Variants in BTG4 observed in about 807,000 individuals in gnomAD.
BTG4 encodes the protein protein BTG4.
In BTG4, 10 loss-of-function variants were observed where a neutral mutation model predicts 19.3. The ratio of observed to expected loss-of-function variants is 0.52; its 90% CI spans 0.32 to 0.88. The LOEUF (loss-of-function observed/expected upper bound fraction) is 0.88, where lower values mean the gene tolerates loss of function less well. Ranked by LOEUF, BTG4 falls within the 40% of genes least tolerant of loss-of-function variation. The probability of loss-of-function intolerance (pLI) is 0.04; values close to 1 mark genes in which losing one functional copy is unlikely to be tolerated. For missense variants in BTG4, 238 were observed against 281.9 expected (o/e 0.84, Z 1.11); for synonymous variants, 91 against 95.7 (o/e 0.95, Z 0.29).
the BTG4 span, chr11:111,397,152 C>T: frequency 6.6e-6 from 1 of 152,224 alleles, no homozygotes; most frequent in Non-Finnish European, 1.5e-5. Context: ...TGACACCCAT[C>T]TCCTGACTGT....
chr11:111,510,030 G>A (rs1464385944), intron 1 of BTG4, among the ~76,000 whole-genome samples: 1 of 149,218 alleles, frequency 6.7e-6, no homozygotes, highest in Non-Finnish European at 1.5e-5. Flanking sequence ...TCCCACCTCA[G>A]CCTTCCAAGT....
the BTG4 span, among the ~76,000 whole-genome samples, chr11:111,426,091 G>A: frequency 2.6e-5 from 4 of 152,310 alleles, no homozygotes; most frequent in African/African-American, 9.6e-5. Context: ...TTTACAGAAT[G>A]TTGGCATCAT....
At chr11:111,439,253 C>T in the BTG4 span, among the ~76,000 whole-genome samples, 1 of 152,240 alleles carries the variant, frequency 6.6e-6, no homozygotes, top group South Asian at 2.1e-4. Flanking sequence ...GCTGATGATG[C>T]TAAACAAATA....
the BTG4 span, among the ~76,000 whole-genome samples, chr11:111,439,988 C>T: frequency 3.3e-5 from 5 of 152,158 alleles, no homozygotes; most frequent in East Asian, 1.9e-4. Context: ...CCTAAGACAA[C>T]GGTTGTTTTA....
At chr11:111,511,726 T>C (rs1866934814) in intron 1 of BTG4, among the ~76,000 whole-genome samples, 1 of 152,190 alleles carries the variant, frequency 6.6e-6, no homozygotes, top group African/African-American at 2.4e-5. Flanking sequence ...TGCCCAACTG[T>C]CACAAGATAC....
At chr11:111,497,516 T>TA (rs1865810269) in intron 3 of BTG4, 107 bp from the exon 4 acceptor site, 6 of 709,022 alleles carry the variant, frequency 8.5e-6, no homozygotes, top group East Asian at 6.4e-5. Context: ...GAAATTGCCT[T>TA]AAAAAATTGA....
chr11:111,502,827 G>A (rs1393910218), intron 1 of BTG4, among the ~76,000 whole-genome samples: 1 of 152,162 alleles, frequency 6.6e-6, no homozygotes, highest in African/African-American at 2.4e-5. Flanking sequence ...GGCCCAGGCA[G>A]GCCTTGAAAG....
At chr11:111,446,067 G>T in the BTG4 span, among the ~76,000 whole-genome samples, 557 of 152,244 alleles carry the variant, frequency 3.7e-3, 5 homozygotes, top group Non-Finnish European at 5.4e-3. Flanking sequence ...AGACCACAAG[G>T]TTACAGAACA....
chr11:111,438,524 G>A, the BTG4 span, among the ~76,000 whole-genome samples: 1 of 152,110 alleles, frequency 6.6e-6, no homozygotes, highest in Non-Finnish European at 1.5e-5. Context: ...CTTACCAAAT[G>A]TTGCCAGGTA....
At chr11:111,492,038 C>T (rs1865453395), downstream of BTG4, among the ~76,000 whole-genome samples, 1 of 152,186 alleles carries the variant, frequency 6.6e-6, no homozygotes, top group South Asian at 2.1e-4. Flanking sequence ...GAGCCAAACC[C>T]TAGCACATTG....
At chr11:111,480,973 GAAA>G (rs1185786407) in intron 5 of BTG4, among the ~76,000 whole-genome samples, 1 of 151,122 alleles carries the variant, frequency 6.6e-6, no homozygotes, top group Non-Finnish European at 1.5e-5. Flanking sequence ...CAAAACAATA[GAAA>G]AAAACACAGT....
intron 5 of BTG4, among the ~76,000 whole-genome samples, chr11:111,478,839 A>G (rs190877127): frequency 3.3e-5 from 5 of 152,216 alleles, no homozygotes; most frequent in Admixed American, 2.6e-4. Context: ...AAAAAGACTG[A>G]GGAAATGAAT....
intron 5 of BTG4, chr11:111,467,729 A>G (rs559381354): frequency 4.1e-6 from 3 of 737,528 alleles, no homozygotes; most frequent in African/African-American, 1.8e-5. Flanking sequence ...AAATTTTATA[A>G]TTTTTTCCTA....
chr11:111,459,087 C>CA, the BTG4 span, among the ~76,000 whole-genome samples: 64 of 152,164 alleles, frequency 4.2e-4, no homozygotes, highest in African/African-American at 1.5e-3. Context: ...ACTAAAAATA[C>CA]AAAAAATAGC....
At chr11:111,426,387 C>T in the BTG4 span, among the ~76,000 whole-genome samples, 4 of 152,146 alleles carry the variant, frequency 2.6e-5, no homozygotes, top group Non-Finnish European at 5.9e-5. Flanking sequence ...GTCTCCAAAG[C>T]TCTTTGGAAA....
chr11:111,395,914 C>T, the BTG4 span, among the ~76,000 whole-genome samples: 1 of 152,258 alleles, frequency 6.6e-6, no homozygotes, highest in Non-Finnish European at 1.5e-5. Context: ...CTTTGCACAG[C>T]CCCTCAACCT....
At chr11:111,410,941 T>C in the BTG4 span, among the ~76,000 whole-genome samples, 1 of 152,140 alleles carries the variant, frequency 6.6e-6, no homozygotes, top group Admixed American at 6.5e-5. Flanking sequence ...TCCTATTAAT[T>C]TTACCTTCAA....
At chr11:111,444,202 T>C in the BTG4 span, among the ~76,000 whole-genome samples, 1 of 66,180 alleles carries the variant, frequency 1.5e-5, no homozygotes, top group African/African-American at 5.8e-5. Flanking sequence ...TGTGTGTGTG[T>C]GTGTGTGTAG....
At chr11:111,401,339 C>T in the BTG4 span, among the ~76,000 whole-genome samples, 37 of 2,236 alleles carry the variant, frequency 0.017, no homozygotes, top group African/African-American at 0.05. Flanking sequence ...AAAAATTAGC[C>T]GGGCGTGGTG....
Sources: allele counts gnomAD v4.1 joint callset (sites outside exome capture counted in the v4.1 genomes callset), GRCh38; gene constraint gnomAD v4.1.1; transcripts MANE v1.5; gene names NCBI Gene and HGNC (gene_info 2026-07-23, HGNC 2026-07-21).